BTRC: variants seen among roughly 807,000 people sequenced by gnomAD.
BTRC encodes the protein F-box/WD repeat-containing protein 1A.
A neutral mutation model predicts 85.5 loss-of-function variants in BTRC; 42 were observed. The ratio of observed to expected loss-of-function variants is 0.49; its 90% confidence interval spans 0.38 to 0.64. The LOEUF is 0.64. BTRC is among the 30% of genes least tolerant of loss of function. The pLI, the probability that BTRC is intolerant of heterozygous loss-of-function variation, is 0.00. For synonymous variants in BTRC, 255 were observed against 263.3 expected (o/e 0.97, Z 0.30); for missense variants, 594 against 743.5 (o/e 0.80, Z 2.34).
chr10:101,385,618 C>CTTTTTTTTTTTTTTTTTTTTTTTTTTTT (rs36030307), intron 1 of BTRC, among the ~76,000 whole-genome samples: 16 of 79,806 alleles, frequency 2.0e-4, no homozygotes, highest in Non-Finnish European at 3.2e-4. Flanking sequence ...TCTTCTTCTT[C>CTTTTTTTTTTTTTTTTTTTTTTTTTTTT]TTTTTTTTTT....
In BTRC at chr10:101,387,528, C is replaced by CTTTTTTTTTTTTTTTTTTTTTTTT. The variant is rs535656002; in HGVS notation, c.48+33318_48+33319insTTTTTTTTTTTTTTTTTTTTTTTT. Among the ~76,000 whole-genome samples, 416 of 45,052 alleles carry CTTTTTTTTTTTTTTTTTTTTTTTT rather than the reference C, an allele frequency of 9.2e-3. 128 individuals carry two copies. Among genetic ancestry groups the CTTTTTTTTTTTTTTTTTTTTTTTT allele is most frequent in the East Asian group, 0.029 (23 of 786 alleles). The allele number at this position is 45,052 out of a possible 152,430, so 29.6% of individuals were successfully genotyped here. A position where few individuals can be genotyped will look rare whatever the true frequency, so the allele number is the denominator to read the frequency against. Reference sequence around the variant, plus strand: ...TGTGGCTTTTTATACCTTCATGGGACTTTTTTTTTTTTTTTTTTGAGATAG... The same window carrying CTTTTTTTTTTTTTTTTTTTTTTTT: ...TGTGGCTTTTTATACCTTCATGGGACTTTTTTTTTTTTTTTTTTTTTTTTTTTTTTTTTTTTTTTTTTGAGATAG... On this transcript the variant is annotated intron_variant, in intron 1 of 14. Transcript: ENST00000370187.
intron 3 of BTRC, among the ~76,000 whole-genome samples, chr10:101,464,541 AC>A (rs796145158): frequency 3.4e-4 from 11 of 31,918 alleles, no homozygotes; most frequent in Admixed American, 1.2e-3. Context: ...CTTCCCCCCC[AC>A]CCCCCCCATG....
At chr10:101,399,614 T>C (rs1243889027) in intron 1 of BTRC, among the ~76,000 whole-genome samples, 2 of 152,206 alleles carry the variant, frequency 1.3e-5, no homozygotes, top group African/African-American at 4.8e-5. Context: ...CTAACAGAAG[T>C]TTTTAAAGCT....
At chr10:101,444,597 G>C (rs1042201794) in intron 2 of BTRC, among the ~76,000 whole-genome samples, 1 of 152,128 alleles carries the variant, frequency 6.6e-6, no homozygotes, top group Non-Finnish European at 1.5e-5. Flanking sequence ...AACAGCCAAT[G>C]TATTTATGAT....
intron 13 of BTRC, among the ~76,000 whole-genome samples, chr10:101,543,000 C>T (rs2062492069): frequency 6.6e-6 from 1 of 152,174 alleles, no homozygotes; most frequent in South Asian, 2.1e-4. Flanking sequence ...CCTCAGCCTC[C>T]CAAGTAGCTG....
intron 1 of BTRC, among the ~76,000 whole-genome samples, chr10:101,428,717 T>C (rs1944322845): frequency 1.3e-5 from 2 of 152,194 alleles, no homozygotes; most frequent in South Asian, 4.1e-4. Context: ...ACCTATAAAA[T>C]GAGGATAATG....
At chr10:101,449,568 A>C (rs4919548) in intron 2 of BTRC, among the ~76,000 whole-genome samples, 49,914 of 151,998 alleles carry the variant, frequency 0.33, 10,741 homozygotes, top group East Asian at 0.66. Context: ...ATCTGTCCAA[A>C]ACACATAATC....
intron 4 of BTRC, among the ~76,000 whole-genome samples, chr10:101,482,740 C>T (rs1055160956): frequency 6.6e-6 from 1 of 152,082 alleles, no homozygotes; most frequent in African/African-American, 2.4e-5. Flanking sequence ...AATGGAATGA[C>T]TTGTCATTAT....
chr10:101,544,224 T>G (rs1190431608), intron 13 of BTRC, among the ~76,000 whole-genome samples: 2 of 152,180 alleles, frequency 1.3e-5, no homozygotes, highest in African/African-American at 4.8e-5. Context: ...AAGAAATTTT[T>G]TAATGGAAAA....
At chr10:101,531,104 G>A (rs2062273648) in intron 6 of BTRC, 133 bp from the exon 7 acceptor site, 4 of 613,612 alleles carry the variant, frequency 6.5e-6, no homozygotes, top group Non-Finnish European at 1.1e-5. Context: ...CCAGGAAGCG[G>A]AGGTTGCAGT....
intron 4 of BTRC, among the ~76,000 whole-genome samples, chr10:101,486,130 T>G (rs1945978944): frequency 6.6e-6 from 1 of 152,112 alleles, no homozygotes. Flanking sequence ...CAAATAAAAT[T>G]ACTGCTAACG....
intron 1 of BTRC, among the ~76,000 whole-genome samples, chr10:101,415,971 A>G (rs2134038581): frequency 6.6e-6 from 1 of 152,260 alleles, no homozygotes; most frequent in South Asian, 2.1e-4. Context: ...CACAGGAGCA[A>G]TATGCTCTAC....
chr10:101,498,822 C>T (rs1159763669), intron 4 of BTRC, among the ~76,000 whole-genome samples: 1 of 152,048 alleles, frequency 6.6e-6, no homozygotes, highest in Non-Finnish European at 1.5e-5. Context: ...GAAACCCCGT[C>T]TCTACTAAAA....
At chr10:101,354,600 A>G (rs1251178738) in intron 1 of BTRC, 2 of 294,838 alleles carry the variant, frequency 6.8e-6, no homozygotes, top group Non-Finnish European at 1.3e-5. Flanking sequence ...TCCTGGTGTC[A>G]GGGTTACCGG....
At chr10:101,523,603 C>T (rs1038184819) in intron 5 of BTRC, among the ~76,000 whole-genome samples, 1 of 152,058 alleles carries the variant, frequency 6.6e-6, no homozygotes, top group African/African-American at 2.4e-5. Context: ...AAAACATTTC[C>T]TAGAACCCCA....
At chr10:101,530,041 A>C (rs879871022) in intron 6 of BTRC, among the ~76,000 whole-genome samples, 1 of 152,226 alleles carries the variant, frequency 6.6e-6, no homozygotes, top group Non-Finnish European at 1.5e-5. Context: ...TTTACCCAGC[A>C]GGAAGTGATT....
chr10:101,417,588 T>C (rs1943980736), intron 1 of BTRC, among the ~76,000 whole-genome samples: 1 of 152,242 alleles, frequency 6.6e-6, no homozygotes, highest in South Asian at 2.1e-4. Flanking sequence ...TTTATATTTT[T>C]CCAATTAAAA....
intron 1 of BTRC, among the ~76,000 whole-genome samples, chr10:101,412,701 A>G (rs908749564): frequency 2.6e-5 from 4 of 152,228 alleles, no homozygotes; most frequent in Admixed American, 6.5e-5. Flanking sequence ...TTACCATAGT[A>G]TATTAACTAT....
chr10:101,495,391 T>C (rs1183158582), intron 4 of BTRC, among the ~76,000 whole-genome samples: 3 of 152,234 alleles, frequency 2.0e-5, no homozygotes, highest in African/African-American at 7.2e-5. Flanking sequence ...ATAGGCAGCC[T>C]ATTAATTATT....
Sources: allele counts gnomAD v4.1 joint callset (sites outside exome capture counted in the v4.1 genomes callset), GRCh38; gene constraint gnomAD v4.1.1; transcripts MANE v1.5; gene names NCBI Gene and HGNC (gene_info 2026-07-23, HGNC 2026-07-21).